Variants in DHX29 observed in about 807,000 individuals in gnomAD.
The protein encoded by DHX29 is ATP-dependent RNA helicase DHX29.
A neutral mutation model predicts 167.9 loss-of-function variants in DHX29; 79 were observed. That is an observed-to-expected ratio of 0.47 (90% CI 0.39 to 0.57). The LOEUF is 0.57. Among genes scored for constraint, DHX29 ranks in the 20% least tolerant of loss-of-function variants. DHX29 has a pLI of 0.00. For missense variants in DHX29, 1,347 were observed against 1,593.4 expected (o/e 0.85, Z 2.63); for synonymous variants, 530 against 546.0 (o/e 0.97, Z 0.41).
At chr5:55,259,360 G>C (rs1017607505) in intron 26 of DHX29, among the ~76,000 whole-genome samples, 1 of 152,204 alleles carries the variant, frequency 6.6e-6, no homozygotes, top group African/African-American at 2.4e-5. Context: ...TCAGCATAAA[G>C]TAGATGGGAT....
At chr5:55,258,751 CTA>C (rs1746169520) in intron 26 of DHX29, among the ~76,000 whole-genome samples, 1 of 151,990 alleles carries the variant, frequency 6.6e-6, no homozygotes. Flanking sequence ...TGGCATCTCC[CTA>C]TGTTACCGAG....
intron 1 of DHX29, among the ~76,000 whole-genome samples, chr5:55,305,830 A>C (rs1399279525): frequency 6.6e-6 from 1 of 152,196 alleles, no homozygotes. Flanking sequence ...AAAATGTATA[A>C]ATTGCCAACT....
chr5:55,287,938 G>GA (rs1247600043), intron 8 of DHX29, among the ~76,000 whole-genome samples: 353 of 81,704 alleles, frequency 4.3e-3, no homozygotes, highest in Non-Finnish European at 5.2e-3. Context: ...TGGAAAAAAA[G>GA]AAAAAAAAAA....
At chr5:55,300,856 G>A (rs1748560956) in intron 1 of DHX29, among the ~76,000 whole-genome samples, 2 of 152,108 alleles carry the variant, frequency 1.3e-5, no homozygotes, top group African/African-American at 4.8e-5. Flanking sequence ...ACAGACTGCT[G>A]GATGGCTTCA....
chr5:55,292,191 CCA>C (rs1207836264), intron 6 of DHX29, among the ~76,000 whole-genome samples: 3 of 152,148 alleles, frequency 2.0e-5, no homozygotes, highest in Non-Finnish European at 4.4e-5. Flanking sequence ...TTTATTATTT[CCA>C]GTTTTTTTTG....
rs746968420 is a variant in DHX29 at position 55,307,546 on chromosome 5, C to G, written c.28G>C (p.Ala10Pro). 49 of 1,613,600 alleles carry G rather than the reference C, an allele frequency of 3.0e-5. No homozygotes were observed. In the Admixed American group the frequency reaches 6.7e-4, roughly 22 times the overall value. MGGKNKKHK[A>P]PAAAVVRAAV... ...GCCCGGACCACCGCGGCCGCTGGAGCCTTGTGTTTCTTGTTCTTGCCGCCC... is the reference window on the plus strand; with the variant it reads ...GCCCGGACCACCGCGGCCGCTGGAGGCTTGTGTTTCTTGTTCTTGCCGCCC... The change falls in exon 1 of 27, where the codon GCT becomes CCT. Residue 10 changes from alanine (A) to proline (P), a missense_variant. Physicochemically the swap from Ala to Pro is conservative, Grantham distance 27 (BLOSUM62 -1). Around this residue, in one of 3 missense-constraint regions of DHX29, gnomAD observed 405 missense variants for 416.8 expected, o/e 0.97. Coordinates refer to ENST00000251636, the MANE Select transcript of DHX29 (RefSeq NM_019030.4).
At chr5:55,272,649 C>G (rs933632890) in intron 17 of DHX29, among the ~76,000 whole-genome samples, 21 of 152,244 alleles carry the variant, frequency 1.4e-4, no homozygotes, top group Admixed American at 9.2e-4. Flanking sequence ...AGCAGAATCG[C>G]TTGAACCCAG....
intron 26 of DHX29, among the ~76,000 whole-genome samples, chr5:55,257,426 TTTC>T (rs1350445413): frequency 1.3e-5 from 2 of 152,270 alleles, no homozygotes; most frequent in African/African-American, 4.8e-5. Context: ...AAAGAACGTT[TTTC>T]TTTTTTATTT....
At chr5:55,289,610 T>A (rs982709005) in intron 7 of DHX29, among the ~76,000 whole-genome samples, 182 bp from the exon 8 acceptor site, 2 of 152,156 alleles carry the variant, frequency 1.3e-5, no homozygotes, top group Admixed American at 1.3e-4. Flanking sequence ...TAATAATTCC[T>A]GTTAGGAATC....
At chr5:55,293,450 T>C (rs1245461993) in intron 6 of DHX29, among the ~76,000 whole-genome samples, 1 of 152,218 alleles carries the variant, frequency 6.6e-6, no homozygotes, top group East Asian at 1.9e-4. Flanking sequence ...CAACATTTAG[T>C]ATTACTGATC....
chr5:55,294,413 G>A (rs1399964192), intron 5 of DHX29, among the ~76,000 whole-genome samples: 2 of 152,238 alleles, frequency 1.3e-5, no homozygotes, highest in East Asian at 1.9e-4. Context: ...GGTGGCTCAC[G>A]CTTGTAATCC....
chr5:55,282,932 G>A, intron 11 of DHX29: 1 of 245,304 alleles, frequency 4.1e-6, no homozygotes, highest in African/African-American at 2.2e-5. Flanking sequence ...AATTTAGTGT[G>A]TAACATATTT....
rs577949622 is a variant in DHX29, at chr5:55,275,108, A to G, written c.2428-98T>C. On this transcript the variant is annotated intron_variant, in intron 14 of 26. Transcript: ENST00000251636. ...GCGGTATTTGCATTCATTCAAATCT[A>G]TATTTTTCTCATTGTCACCATTACT... 398 of 1,374,782 alleles carry G rather than the reference A, an allele frequency of 2.9e-4. 2 individuals are homozygous for G. In the South Asian group the frequency reaches 4.9e-3, roughly 17 times the overall value. 85.2% of individuals were successfully genotyped at this position (1,374,782 alleles called of 1,614,324 possible). A position where few individuals can be genotyped will look rare whatever the true frequency, so the allele number is the denominator to read the frequency against.
In DHX29 at chr5:55,283,194, A is replaced by G; in HGVS notation, c.1965+9T>C. ...TCATTCACTGAGGTGGAGTTGAATG[A>G]CAGCTTACCCTTCCTCCAGGTCCAT... On this transcript the variant is annotated intron_variant, in intron 11 of 26. Transcript: ENST00000251636. 1.3e-6 allele frequency: 2 copies of G among 1,562,870 alleles called. No individual in the cohort carries two copies. Among genetic ancestry groups the G allele is most frequent in the Non-Finnish European group, 1.7e-6 (2 of 1,153,254 alleles).
At chr5:55,268,777 G>T (rs1746706720) in intron 21 of DHX29, among the ~76,000 whole-genome samples, 2 of 152,130 alleles carry the variant, frequency 1.3e-5, no homozygotes, top group Admixed American at 6.6e-5. Flanking sequence ...TGAGAAAAGA[G>T]AACTCTGCTA....
At chr5:55,295,838 T>A (rs868564078) in intron 4 of DHX29, among the ~76,000 whole-genome samples, 13 of 152,204 alleles carry the variant, frequency 8.5e-5, no homozygotes, top group South Asian at 2.1e-4. Context: ...TGTGGTAGTA[T>A]CCTTAGTCAC....
chr5:55,281,387 A>G lies in DHX29; in HGVS notation c.2094T>C (p.His698=), dbSNP rs1188977715. The G allele has an allele frequency of 2.5e-6, 4 of 1,599,454 alleles. No homozygotes were observed. Among genetic ancestry groups the G allele is most frequent in the East Asian group, 2.3e-5 (1 of 43,908 alleles). Residue 698 remains histidine (H), a synonymous_variant, in exon 12 of 27, where the codon CAT becomes CAC. Transcript: ENST00000251636. ...QEDGLLSNVS[H]VIVDEVHERS... is the part of the protein sequence containing the mutation. ...ATCCACTCACCTCATCTACAATAAC[A>G]TGAGACACATTACTTAGAAGACCAT...
chr5:55,307,469 C>T lies in DHX29; in HGVS notation c.105G>A (p.Glu35=). 1 of 1,613,554 alleles carries T rather than the reference C, an allele frequency of 6.2e-7. No individual in the cohort carries two copies. The highest frequency in any genetic ancestry group is 8.5e-7 in the Non-Finnish European group (1 of 1,179,968). Residue 35 remains glutamate, a synonymous_variant, in exon 1 of 27, where the codon GAG becomes GAA. Transcript: ENST00000251636. ...TGGACACTGGCTTCTTGCTTTGGGC[C>T]TCCCCGGCAATTCCAGCCTCGGCAG... ...AKSAEAGIAG[E]AQSKKPVSRP...
chr5:55,300,975 A>G (rs1561171710), intron 1 of DHX29, among the ~76,000 whole-genome samples: 1 of 152,128 alleles, frequency 6.6e-6, no homozygotes. Context: ...GTAGGTGGCC[A>G]TCATCTTGCT....
Sources: allele counts gnomAD v4.1 joint callset (sites outside exome capture counted in the v4.1 genomes callset), GRCh38; gene constraint gnomAD v4.1.1; regional missense constraint gnomAD v4.1.1; transcripts MANE v1.5; gene names NCBI Gene and HGNC (gene_info 2026-07-23, HGNC 2026-07-21).